The following CLEC16A variants were observed in gnomAD, a reference collection of about 807,000 sequenced individuals.
The protein encoded by CLEC16A is C-type lectin domain containing 16A, also known as protein CLEC16A.
In CLEC16A, 51 loss-of-function variants were observed where a neutral mutation model predicts 109.5. The observed-to-expected ratio is 0.47, with a 90% CI of 0.37 to 0.59. CLEC16A has a LOEUF of 0.59. Ranked by LOEUF, CLEC16A falls within the 20% of genes least tolerant of loss-of-function variation. The probability of loss-of-function intolerance (pLI) is 0.00; values close to 1 mark genes in which losing one functional copy is unlikely to be tolerated. For synonymous variants in CLEC16A, 673 were observed against 564.2 expected, an observed-to-expected ratio of 1.19 and a Z score of -2.73; for missense variants, 1,339 against 1,394.0, an observed-to-expected ratio of 0.96 and a Z score of 0.63.
chr16:11,093,994 G>C (rs2050460225), intron 19 of CLEC16A, among the ~76,000 whole-genome samples: 2 of 152,180 alleles, frequency 1.3e-5, no homozygotes, highest in African/African-American at 4.8e-5. Context: ...GGGGTGGAGG[G>C]GTGACGAGGG....
intron 19 of CLEC16A, among the ~76,000 whole-genome samples, chr16:11,098,486 C>T (rs2050731330): frequency 6.6e-6 from 1 of 152,238 alleles, no homozygotes; most frequent in African/African-American, 2.4e-5. Context: ...GACGTGGGGT[C>T]CCAGCTGTGG....
intron 19 of CLEC16A, among the ~76,000 whole-genome samples, chr16:11,065,099 A>G (rs1225104126): frequency 6.6e-6 from 1 of 152,224 alleles, no homozygotes; most frequent in African/African-American, 2.4e-5. Flanking sequence ...AGGGAGCTGT[A>G]TCCCGTCTAG....
At chr16:11,129,940 T>G (rs2053089693) in intron 22 of CLEC16A, among the ~76,000 whole-genome samples, 1 of 152,198 alleles carries the variant, frequency 6.6e-6, no homozygotes, top group East Asian at 1.9e-4. Flanking sequence ...TTTTTTGTAT[T>G]TTTAGTAGAG....
At chr16:11,092,840 G>A (rs776979653) in intron 19 of CLEC16A, among the ~76,000 whole-genome samples, 13 of 152,184 alleles carry the variant, frequency 8.5e-5, no homozygotes, top group South Asian at 6.2e-4. Flanking sequence ...CACGGTGGTC[G>A]TGACAATTAA....
chr16:10,952,837 A>T lies in CLEC16A; in HGVS notation c.81-4945A>T, dbSNP rs1465325980. 3.3e-5 allele frequency among the ~76,000 whole-genome samples: 5 copies of T among 152,306 alleles called. No individual in the cohort carries two copies. The East Asian group carries it at 9.6e-4, about 29-fold the overall frequency. ...GAAACAATATCATTTACAATAGCAT[A>T]AAAAAATGTCGACTACCTAGCAGCA... On this transcript the variant is annotated intron_variant, in intron 1 of 23. Transcript: ENST00000409790.
At chr16:10,974,146 C>T (rs909487238) in intron 7 of CLEC16A, among the ~76,000 whole-genome samples, 2 of 151,874 alleles carry the variant, frequency 1.3e-5, no homozygotes, top group East Asian at 3.9e-4. Flanking sequence ...ATCCACCCAC[C>T]TGGGCCTCCC....
rs181572340 is a variant in CLEC16A at position 11,098,181 on chromosome 16, C to T, written c.2117-22434C>T. On this transcript the variant is annotated intron_variant, in intron 19 of 23. Coordinates refer to ENST00000409790, the MANE Select transcript of CLEC16A (RefSeq NM_015226.3). ...GGGATTAACCGAGGCCTCTGCAGCA[C>T]GCACTAGCATGGTGGCAAACAATGA... Among the ~76,000 whole-genome samples, 112 of 152,332 alleles carry T rather than the reference C, an allele frequency of 7.4e-4. 1 individual carries two copies. The East Asian group carries it at 0.016, about 22-fold the overall frequency.
At chr16:11,169,998 C>T (rs1218155403) in intron 23 of CLEC16A, among the ~76,000 whole-genome samples, 2 of 152,212 alleles carry the variant, frequency 1.3e-5, no homozygotes, top group Non-Finnish European at 2.9e-5. Flanking sequence ...GGCTGTGCAA[C>T]TTGGCCCAGA....
intron 23 of CLEC16A, among the ~76,000 whole-genome samples, chr16:11,171,659 T>C (rs1038061153): frequency 3.3e-5 from 5 of 152,178 alleles, no homozygotes; most frequent in Admixed American, 6.5e-5. Flanking sequence ...GCAAAGAATA[T>C]ACAGCGGGAA....
intron 22 of CLEC16A, chr16:11,157,086 G>GAT (rs750026918): frequency 7.7e-7 from 1 of 1,304,246 alleles, no homozygotes; most frequent in South Asian, 1.2e-5. Context: ...GGTTTTCAAG[G>GAT]ATAGTGTTTA....
At chr16:11,029,939 T>C (rs150878836) in intron 13 of CLEC16A, among the ~76,000 whole-genome samples, 1 of 152,326 alleles carries the variant, frequency 6.6e-6, no homozygotes, top group East Asian at 1.9e-4. Flanking sequence ...CATGCTAGAT[T>C]AGTTTTGCAC....
In CLEC16A at chr16:11,174,309, G is replaced by A. The variant is rs564692948; in HGVS notation, c.2807-4026G>A. ...CTCCCCTGTGAGCCGCTCGGGCCGC[G>A]ACGTCCACTCGCCACGCTGCATTTC... On this transcript the variant is annotated intron_variant, in intron 23 of 23. Coordinates refer to ENST00000409790, the MANE Select transcript of CLEC16A (RefSeq NM_015226.3). This position sits in a 1 kb window ranked among gnomAD's most constrained non-coding sequence, Gnocchi z 4.7. 22 of 441,198 alleles carry A rather than the reference G, an allele frequency of 5.0e-5. No individual in the cohort carries two copies. The highest frequency in any genetic ancestry group is 3.1e-4 in the South Asian group (20 of 63,778). 27.3% of individuals were successfully genotyped at this position (441,198 alleles called of 1,614,324 possible). A position where few individuals can be genotyped will look rare whatever the true frequency, so the allele number is the denominator to read the frequency against.
At chr16:11,108,019 G>A (rs541765715) in intron 19 of CLEC16A, among the ~76,000 whole-genome samples, 120 of 152,338 alleles carry the variant, frequency 7.9e-4, no homozygotes, top group Non-Finnish European at 1.4e-3. Flanking sequence ...CATCAGGGAG[G>A]CATGCGAGGC....
rs530462641 is a variant in CLEC16A at position 10,949,812 on chromosome 16, G to A, written c.80+5015G>A. ...GGCGGGGAGCAGGGGCTCTGCTGCC[G>A]TCCCCTGGTGAGTTACGGTAGCAGC... On this transcript the variant is annotated intron_variant, in intron 1 of 23. Transcript: ENST00000409790. Among the ~76,000 whole-genome samples the A allele has an allele frequency of 3.9e-5, 6 of 152,292 alleles. No individual in the cohort carries two copies. In the South Asian group the frequency reaches 6.2e-4, roughly 16 times the overall value.
intron 13 of CLEC16A, among the ~76,000 whole-genome samples, chr16:11,028,382 A>G (rs2046544669): frequency 6.6e-6 from 1 of 152,006 alleles, no homozygotes; most frequent in African/African-American, 2.4e-5. Context: ...TAAATGAGTC[A>G]CTCTAGCATT....
In CLEC16A at chr16:10,989,208, TGTC is replaced by T. The variant is rs2043850456; in HGVS notation, c.1071+6220_1071+6222del. ...AATTTCTGGAAAGTGCAAATACTGT[TGTC>T]GTTGTTTTTTGTTTTTTGTTTTTTT... On this transcript the variant is annotated intron_variant, in intron 10 of 23. Transcript: ENST00000409790. Among the ~76,000 whole-genome samples, 4 of 124,246 alleles carry T rather than the reference TGTC, an allele frequency of 3.2e-5. No homozygotes were observed. The Admixed American group carries it at 3.4e-4, about 11-fold the overall frequency. The allele number at this position is 124,246 out of a possible 152,430, so 81.5% of individuals were successfully genotyped here.
In CLEC16A at chr16:11,027,975, C is replaced by T. The variant is rs1425561855; in HGVS notation, c.1537+3054C>T. On this transcript the variant is annotated intron_variant, in intron 13 of 23. Coordinates refer to ENST00000409790, the MANE Select transcript of CLEC16A (RefSeq NM_015226.3). ...CAACACTTTGGGAGGCTGAGGTGGG[C>T]AGATCACTTGAGGTTGGGAGTTCGA... is the stretch of plus-strand genomic sequence containing the variant. 2.0e-5 allele frequency among the ~76,000 whole-genome samples: 3 copies of T among 152,090 alleles called. No homozygotes were observed. The East Asian group carries it at 5.8e-4, about 29-fold the overall frequency.
chr16:11,079,224 T>C lies in CLEC16A; in HGVS notation c.2116+18202T>C, dbSNP rs1319487526. On this transcript the variant is annotated intron_variant, in intron 19 of 23. Coordinates refer to ENST00000409790, the MANE Select transcript of CLEC16A (RefSeq NM_015226.3). ...CTGAAACTCCAGCCATCCCTATCTC[T>C]TGTGGTTGTTCTGAACCAGTGCCAG... Among the ~76,000 whole-genome samples, 3 of 152,200 alleles carry C rather than the reference T, an allele frequency of 2.0e-5. No individual in the cohort carries two copies. The East Asian group carries it at 5.8e-4, about 29-fold the overall frequency.
intron 19 of CLEC16A, among the ~76,000 whole-genome samples, chr16:11,077,054 A>G (rs2049415854): frequency 6.6e-6 from 1 of 152,236 alleles, no homozygotes; most frequent in Non-Finnish European, 1.5e-5. Flanking sequence ...ATTTAAAAAC[A>G]AAGAGCAGGG....
Sources: allele counts gnomAD v4.1 joint callset (sites outside exome capture counted in the v4.1 genomes callset), GRCh38; gene constraint gnomAD v4.1.1; non-coding constraint Gnocchi (gnomAD v3.1); transcripts MANE v1.5; gene names NCBI Gene and HGNC (gene_info 2026-07-23, HGNC 2026-07-21).